OLFM3: variants seen among roughly 807,000 people sequenced by gnomAD.
OLFM3 encodes noelin-3.
OLFM3 carries 20 observed loss-of-function variants against 48.6 expected under a neutral mutation model. That is an observed-to-expected ratio of 0.41 (90% CI 0.29 to 0.60). The LOEUF is 0.60. OLFM3 is among the 20% of genes least tolerant of loss of function. The pLI is 0.28. For missense variants in OLFM3, 437 were observed against 544.3 expected (o/e 0.80, Z 1.96); for synonymous variants, 222 against 198.1 (o/e 1.12, Z -1.01).
intron 1 of OLFM3, among the ~76,000 whole-genome samples, chr1:101,939,348 CTTTT>C (rs879726146): frequency 1.3e-5 from 2 of 151,812 alleles, no homozygotes; most frequent in Non-Finnish European, 2.9e-5. Flanking sequence ...TTGAAAGTGG[CTTTT>C]TTTTAATTCA....
At chr1:101,901,757 C>T (rs536302151) in intron 1 of OLFM3, among the ~76,000 whole-genome samples, 11 of 151,956 alleles carry the variant, frequency 7.2e-5, no homozygotes, top group South Asian at 6.2e-4. Context: ...TTAAAGATGA[C>T]GACTAAATTT....
At chr1:101,841,020 T>C (rs1278872516) in intron 1 of OLFM3, among the ~76,000 whole-genome samples, 1 of 152,226 alleles carries the variant, frequency 6.6e-6, no homozygotes, top group East Asian at 1.9e-4. Flanking sequence ...AATAGGAGAA[T>C]TAAAATTATA....
intron 1 of OLFM3, among the ~76,000 whole-genome samples, chr1:101,996,093 TTTG>T (rs772987692): frequency 4.6e-5 from 7 of 152,198 alleles, no homozygotes; most frequent in Non-Finnish European, 8.8e-5. Flanking sequence ...CCCTCCTTAG[TTTG>T]TTAAGGTTCT....
intron 1 of OLFM3, among the ~76,000 whole-genome samples, chr1:101,860,206 AT>A (rs1450473370): frequency 2.0e-5 from 3 of 152,166 alleles, no homozygotes; most frequent in Admixed American, 2.0e-4. Flanking sequence ...TCCAGAGTTA[AT>A]TGTTAACAGA....
chr1:101,929,178 A>G (rs371879542), intron 1 of OLFM3, among the ~76,000 whole-genome samples: 1 of 152,156 alleles, frequency 6.6e-6, no homozygotes, highest in Non-Finnish European at 1.5e-5. Context: ...GCAGATATTC[A>G]ATCATTCTGG....
At chr1:101,953,475 A>G (rs1185559669) in intron 1 of OLFM3, among the ~76,000 whole-genome samples, 2 of 152,168 alleles carry the variant, frequency 1.3e-5, no homozygotes, top group Non-Finnish European at 2.9e-5. Flanking sequence ...ACAATTTTAA[A>G]GACTCCTACA....
At chr1:101,928,864 T>G (rs1464597886) in intron 1 of OLFM3, among the ~76,000 whole-genome samples, 2 of 152,156 alleles carry the variant, frequency 1.3e-5, no homozygotes, top group Non-Finnish European at 1.5e-5. Flanking sequence ...TGTATTAAAA[T>G]GACTTGCCTG....
At chr1:101,870,124 A>G (rs1318265792) in intron 1 of OLFM3, among the ~76,000 whole-genome samples, 1 of 152,214 alleles carries the variant, frequency 6.6e-6, no homozygotes, top group Non-Finnish European at 1.5e-5. Flanking sequence ...AAATAGTCCC[A>G]ATAGATAGCA....
At chr1:101,866,505 A>T (rs573787866) in intron 1 of OLFM3, among the ~76,000 whole-genome samples, 2 of 152,216 alleles carry the variant, frequency 1.3e-5, no homozygotes, top group African/African-American at 4.8e-5. Flanking sequence ...ATAAAAGCGT[A>T]AGTAGTTTGT....
At chr1:101,975,870 G>A (rs1295526564) in intron 1 of OLFM3, among the ~76,000 whole-genome samples, 1 of 151,932 alleles carries the variant, frequency 6.6e-6, no homozygotes, top group Non-Finnish European at 1.5e-5. Flanking sequence ...GAAAAGATCA[G>A]GGAAACAAAG....
At chr1:101,815,401 C>T (rs1377303362) in intron 4 of OLFM3, among the ~76,000 whole-genome samples, 7 of 149,486 alleles carry the variant, frequency 4.7e-5, no homozygotes, top group African/African-American at 1.7e-4. Context: ...GAGCCGAGAT[C>T]GCGCCACTGC....
chr1:101,968,841 G>A (rs1660698115), intron 1 of OLFM3, among the ~76,000 whole-genome samples: 1 of 152,218 alleles, frequency 6.6e-6, no homozygotes, highest in African/African-American at 2.4e-5. Flanking sequence ...AAAGAATGAT[G>A]ATTTTATTGT....
In OLFM3 at chr1:101,977,515, A is replaced by G. The variant is rs146061605; in HGVS notation, c.69+19233T>C. The stretch of plus-strand genomic sequence containing the variant: ...GCAAAGATTTGTTGGATTAAAATAC[A>G]TTTCAGAACTGGGAGGGACACTAAG... On this transcript the variant is annotated intron_variant, in intron 1 of 5. Transcript: ENST00000370103. Among the ~76,000 whole-genome samples, 81 of 152,260 alleles carry G rather than the reference A, an allele frequency of 5.3e-4. 1 individual carries two copies. In the East Asian group the frequency reaches 0.013, roughly 25 times the overall value.
In OLFM3 at chr1:101,804,144, A is replaced by T. The variant is rs1653638176; in HGVS notation, c.*94T>A. The T allele has an allele frequency of 2.1e-6, 2 of 968,384 alleles. No individual in the cohort carries two copies. The highest frequency in any genetic ancestry group is 1.7e-5 in the African/African-American group (1 of 59,836). The allele number at this position is 968,384 out of a possible 1,614,324, so 60.0% of individuals were successfully genotyped here. A position where few individuals can be genotyped will look rare whatever the true frequency, so the allele number is the denominator to read the frequency against. On this transcript the variant is annotated 3_prime_UTR_variant, in exon 6 of 6. Transcript: ENST00000370103. This position sits in a 1 kb window ranked among gnomAD's most constrained non-coding sequence, Gnocchi z 4.5. ...AAAAATGCTTTGCTTTGGAGAAATGATGAAAAATAATAGTGAAGAAAAAAA... is the reference window on the plus strand; with the variant it reads ...AAAAATGCTTTGCTTTGGAGAAATGTTGAAAAATAATAGTGAAGAAAAAAA...
intron 1 of OLFM3, among the ~76,000 whole-genome samples, chr1:101,906,963 A>G (rs1658574576): frequency 2.0e-5 from 3 of 152,184 alleles, no homozygotes; most frequent in Admixed American, 2.0e-4. Context: ...ATAATAAACC[A>G]TTATTTGTCG....
intron 1 of OLFM3, among the ~76,000 whole-genome samples, chr1:101,897,174 A>C (rs1292421227): frequency 6.6e-6 from 1 of 152,210 alleles, no homozygotes; most frequent in Non-Finnish European, 1.5e-5. Flanking sequence ...TGTGATAAGA[A>C]AAATATTGAA....
intron 1 of OLFM3, among the ~76,000 whole-genome samples, chr1:101,921,700 G>A (rs888127755): frequency 6.6e-6 from 1 of 152,164 alleles, no homozygotes; most frequent in Non-Finnish European, 1.5e-5. Flanking sequence ...CATTAAAGGT[G>A]CTATCTGATT....
chr1:101,846,873 G>A lies in OLFM3; in HGVS notation c.70-9848C>T, dbSNP rs766665047. The stretch of plus-strand genomic sequence containing the variant: ...GGTATCCGGAGTCGACAGCCTCGTG[G>A]TGTTCAGTCCCACCAAGGATGGGAG... On this transcript the variant is annotated intron_variant, in intron 1 of 5. Coordinates refer to ENST00000370103, the MANE Select transcript of OLFM3 (RefSeq NM_058170.4). The A allele has an allele frequency of 4.3e-6, 7 of 1,612,522 alleles. No individual in the cohort carries two copies. The South Asian group carries it at 5.5e-5, about 13-fold the overall frequency.
At chr1:101,859,745 G>GT (rs1656573269) in intron 1 of OLFM3, 1 of 152,100 alleles carries the variant, frequency 6.6e-6, no homozygotes, top group Admixed American at 6.5e-5. Flanking sequence ...ATAACAGAAA[G>GT]TGTTTAAGAA....
Sources: gnomAD v4.1 joint callset for allele counts (sites outside exome capture counted in the v4.1 genomes callset) on GRCh38, gnomAD v4.1.1 for gene constraint, Gnocchi (gnomAD v3.1) non-coding constraint, MANE v1.5 for transcripts, NCBI Gene and HGNC (gene_info 2026-07-23, HGNC 2026-07-21) for gene names.